Variants in SLC10A6 observed in about 807,000 individuals in gnomAD.
SLC10A6 encodes the protein solute carrier family 10 member 6.
Under a neutral mutation model 30.0 loss-of-function variants are expected in SLC10A6, and 27 were observed. That is an observed-to-expected ratio of 0.90 (90% CI 0.66 to 1.24). The LOEUF is 1.24. Among genes scored for constraint, SLC10A6 ranks in the 50% most tolerant of loss-of-function variants. The pLI is 0.00. For synonymous variants in SLC10A6, 166 were observed against 173.8 expected, an observed-to-expected ratio of 0.95 and a Z score of 0.36; for missense variants, 439 against 457.0, an observed-to-expected ratio of 0.96 and a Z score of 0.36.
chr4:86,831,415 T>G (rs896112709), intron 3 of SLC10A6, among the ~76,000 whole-genome samples: 5 of 152,218 alleles, frequency 3.3e-5, no homozygotes, highest in Non-Finnish European at 7.3e-5. Context: ...ACCAGCCATA[T>G]TACTAAACAC....
intron 1 of SLC10A6, among the ~76,000 whole-genome samples, chr4:86,835,305 T>C (rs1746161058): frequency 6.6e-6 from 1 of 152,030 alleles, no homozygotes; most frequent in South Asian, 2.1e-4. Context: ...GAAAGGGAAC[T>C]GATGTGAGAT....
chr4:86,835,745 A>AG (rs1746173119), intron 1 of SLC10A6, among the ~76,000 whole-genome samples: 1 of 149,652 alleles, frequency 6.7e-6, no homozygotes, highest in Non-Finnish European at 1.5e-5. Context: ...GAAAGAAAGA[A>AG]AGAGAGAGAG....
chr4:86,831,864 G>A lies in SLC10A6; in HGVS notation c.513C>T (p.Cys171=), dbSNP rs1306287650. The A allele has an allele frequency of 1.2e-6, 2 of 1,612,900 alleles. No homozygotes were observed. The highest frequency in any genetic ancestry group is 1.7e-6 in the Non-Finnish European group (2 of 1,179,346). Residue 171 remains cysteine (C), a synonymous_variant, in exon 3 of 6, where the codon TGC becomes TGT. Coordinates refer to ENST00000273905, the MANE Select transcript of SLC10A6 (RefSeq NM_197965.3). ...CACCAAAGGCCACAGGAATGGTCAG[G>A]CACACAAGGGTAATTCCTAAAGAGA... ...PYQNIGITLV[C]LTIPVAFGVY...
chr4:86,823,532 C>T lies in SLC10A6; in HGVS notation c.*156G>A, dbSNP rs1467354574. ...AAATGGGAATCTCCAAAAGTGATCC[C>T]ATCACAATTCACAATCCACATGAAA... On this transcript the variant is annotated 3_prime_UTR_variant, in exon 6 of 6. Transcript: ENST00000273905. The T allele has an allele frequency of 3.2e-6, 2 of 616,806 alleles. No homozygotes were observed. The highest frequency in any genetic ancestry group is 2.9e-5 in the East Asian group (1 of 34,136). The allele number at this position is 616,806 out of a possible 1,614,324, so 38.2% of individuals were successfully genotyped here.
rs1330845508 is a variant in SLC10A6 at position 86,843,636 on chromosome 4, G to A, written c.377+5103C>T. On this transcript the variant is annotated intron_variant, in intron 1 of 5. Transcript: ENST00000273905. ...ATAATTCAATTGTCCGTTGATGGAT[G>A]AATAGATAAAACATGACACATATAT... Among the ~76,000 whole-genome samples the A allele has an allele frequency of 2.0e-5, 3 of 152,110 alleles. No homozygotes were observed. The South Asian group carries it at 6.2e-4, about 32-fold the overall frequency.
At chr4:86,836,906 C>T (rs1043836176) in intron 1 of SLC10A6, among the ~76,000 whole-genome samples, 14 of 151,938 alleles carry the variant, frequency 9.2e-5, no homozygotes, top group Admixed American at 4.6e-4. Flanking sequence ...TACAGATGCC[C>T]ACCACCACAC....
At chr4:86,845,755 AG>A (rs1746382030) in intron 1 of SLC10A6, among the ~76,000 whole-genome samples, 1 of 152,214 alleles carries the variant, frequency 6.6e-6, no homozygotes, top group Non-Finnish European at 1.5e-5. Flanking sequence ...GAAGGGCTAC[AG>A]GGCTTGGCAG....
intron 1 of SLC10A6, among the ~76,000 whole-genome samples, chr4:86,839,912 T>A (rs1394486218): frequency 3.3e-5 from 5 of 150,912 alleles, no homozygotes; most frequent in African/African-American, 2.5e-5. Context: ...TATTTTTTTT[T>A]TTTATTTTTT....
chr4:86,843,906 C>T (rs948612110), intron 1 of SLC10A6, among the ~76,000 whole-genome samples: 4 of 152,064 alleles, frequency 2.6e-5, no homozygotes, highest in African/African-American at 7.2e-5. Context: ...TGGCCGGGCT[C>T]GGTGGCTCAC....
chr4:86,838,211 G>A (rs189268055), intron 1 of SLC10A6, among the ~76,000 whole-genome samples: 4 of 152,288 alleles, frequency 2.6e-5, no homozygotes, highest in African/African-American at 4.8e-5. Context: ...GAAAATTAGC[G>A]ATCCTGCTTC....
chr4:86,842,734 A>AAAGAC (rs1315705846), intron 1 of SLC10A6, among the ~76,000 whole-genome samples: 12 of 141,214 alleles, frequency 8.5e-5, no homozygotes, highest in East Asian at 4.1e-4. Flanking sequence ...AAAGAAAAGA[A>AAAGAC]AAGACAAGAC....
chr4:86,833,971 C>G (rs1258434416), intron 1 of SLC10A6, among the ~76,000 whole-genome samples: 4 of 152,128 alleles, frequency 2.6e-5, no homozygotes, highest in Non-Finnish European at 5.9e-5. Context: ...ATACATGCAG[C>G]CTTTTTTCTG....
intron 3 of SLC10A6, among the ~76,000 whole-genome samples, 168 bp downstream of exon 3, chr4:86,831,624 A>T (rs1746082706): frequency 1.3e-5 from 2 of 152,226 alleles, no homozygotes; most frequent in African/African-American, 4.8e-5. Context: ...CAAGGCTTAC[A>T]GGGTGGAGGA....
chr4:86,836,497 G>A (rs981677427), intron 1 of SLC10A6, among the ~76,000 whole-genome samples: 8 of 152,116 alleles, frequency 5.3e-5, no homozygotes, highest in African/African-American at 1.9e-4. Context: ...AAGGAAGTTT[G>A]TTCCTTTTTG....
Position 86,825,497 on chromosome 4 carries a change from T to C in SLC10A6, c.842A>G (p.Glu281Gly), listed in dbSNP as rs1446337760. 1 of 1,613,034 alleles carries C rather than the reference T, an allele frequency of 6.2e-7. No homozygotes were observed. Among genetic ancestry groups the C allele is most frequent in the Non-Finnish European group, 8.5e-7 (1 of 1,179,242 alleles). Residue 281 changes from glutamate to glycine, a missense_variant, in exon 5 of 6, where the codon GAG becomes GGG. By Grantham distance (98) the Glu-to-Gly change is moderately conservative (BLOSUM62 -2). Coordinates refer to ENST00000273905, the MANE Select transcript of SLC10A6 (RefSeq NM_197965.3). ...GAAACTCAACATCTGGACCAAGTGC[T>C]CAGCAGTGAAAGATAACTGGAGCAT... Reference protein sequence around the residue: ...ITMLQLSFTAEHLVQMLSFPL... With the variant: ...ITMLQLSFTAGHLVQMLSFPL...
At chr4:86,841,472 A>C (rs1247735380) in intron 1 of SLC10A6, among the ~76,000 whole-genome samples, 4 of 152,220 alleles carry the variant, frequency 2.6e-5, no homozygotes, top group Non-Finnish European at 5.9e-5. Flanking sequence ...TGGCTAAGTA[A>C]GTCTCTTGAC....
chr4:86,834,990 C>T (rs1746155819), intron 1 of SLC10A6, among the ~76,000 whole-genome samples: 1 of 152,116 alleles, frequency 6.6e-6, no homozygotes. Flanking sequence ...ATGGCATTAA[C>T]CATTCATGAG....
At chr4:86,848,676 T>C (rs1020130400) in intron 1 of SLC10A6, 63 bp downstream of exon 1, 2 of 1,494,888 alleles carry the variant, frequency 1.3e-6, no homozygotes, top group African/African-American at 1.4e-5. Flanking sequence ...AACACAAGAG[T>C]TTCAGTTATT....
intron 3 of SLC10A6, among the ~76,000 whole-genome samples, chr4:86,829,711 A>G (rs1267834173): frequency 6.6e-6 from 1 of 152,132 alleles, no homozygotes; most frequent in Non-Finnish European, 1.5e-5. Flanking sequence ...GGGAATGAAG[A>G]TATACTAAAA....
Sources: allele counts gnomAD v4.1 joint callset (sites outside exome capture counted in the v4.1 genomes callset), GRCh38; gene constraint gnomAD v4.1.1; transcripts MANE v1.5; gene names NCBI Gene and HGNC (gene_info 2026-07-23, HGNC 2026-07-21).